Variants in NAALADL2 observed in about 807,000 individuals in gnomAD.
NAALADL2 encodes N-acetylated alpha-linked acidic dipeptidase like 2.
Under a neutral mutation model 87.2 loss-of-function variants are expected in NAALADL2, and 76 were observed. That is an observed-to-expected ratio of 0.87 (90% CI 0.72 to 1.05). The LOEUF is 1.05. NAALADL2 is among the 50% of genes least tolerant of loss of function. The probability of loss-of-function intolerance (pLI) is 0.00; values close to 1 mark genes in which losing one functional copy is unlikely to be tolerated. For synonymous variants in NAALADL2, 354 were observed against 331.0 expected (o/e 1.07, Z -0.75); for missense variants, 1,089 against 945.8 (o/e 1.15, Z -1.99).
chr3:175,718,198 T>TC (rs1401369383), intron 11 of NAALADL2: 15 of 485,024 alleles, frequency 3.1e-5, no homozygotes, highest in Middle Eastern at 6.3e-4. Flanking sequence ...GCCTGTGGTT[T>TC]TTTTTTTTTT....
At chr3:175,788,022 G>A (rs915931090) in intron 13 of NAALADL2, among the ~76,000 whole-genome samples, 4 of 150,578 alleles carry the variant, frequency 2.7e-5, no homozygotes, top group African/African-American at 9.8e-5. Context: ...TTCAAACAGA[G>A]AAACTTCCAG....
Position 175,055,738 on chromosome 3 carries a change from G to A in NAALADL2, c.44-41052G>A, listed in dbSNP as rs1012116468. ...TTTCCCCTATCCGGTGGCCTGACTCGCTGAGTTTTTCTACATTCTTTTTTA... is the reference window on the plus strand; with the variant it reads ...TTTCCCCTATCCGGTGGCCTGACTCACTGAGTTTTTCTACATTCTTTTTTA... On this transcript the variant is annotated intron_variant, in intron 1 of 13. Transcript: ENST00000454872. 3.9e-5 allele frequency among the ~76,000 whole-genome samples: 6 copies of A among 152,074 alleles called. No individual in the cohort carries two copies. The South Asian group carries it at 6.2e-4, about 16-fold the overall frequency.
At chr3:175,055,261 T>A (rs1480353035) in intron 1 of NAALADL2, among the ~76,000 whole-genome samples, 1 of 152,172 alleles carries the variant, frequency 6.6e-6, no homozygotes, top group African/African-American at 2.4e-5. Context: ...TGCTATACGC[T>A]CTCCTGGCCC....
chr3:175,581,549 A>G (rs569606592), intron 10 of NAALADL2, among the ~76,000 whole-genome samples: 28 of 152,338 alleles, frequency 1.8e-4, no homozygotes, highest in Middle Eastern at 3.4e-3. Flanking sequence ...ATGAAGAAAA[A>G]TCTGCTCCAA....
chr3:175,543,521 G>T (rs1712752388), intron 9 of NAALADL2, among the ~76,000 whole-genome samples: 1 of 152,092 alleles, frequency 6.6e-6, no homozygotes, highest in South Asian at 2.1e-4. Flanking sequence ...CCACATGGCT[G>T]GGGAGGCCTG....
chr3:175,038,650 G>A (rs13318305), intron 1 of NAALADL2, among the ~76,000 whole-genome samples: 31,127 of 152,058 alleles, frequency 0.2, 3,365 homozygotes, highest in East Asian at 0.38. Flanking sequence ...TCAACAATGC[G>A]TAACTTGAAG....
chr3:174,792,110 A>G (rs941252787), intron 3 of NAALADL2, among the ~76,000 whole-genome samples: 3 of 152,102 alleles, frequency 2.0e-5, no homozygotes, highest in African/African-American at 4.8e-5. Flanking sequence ...AGTCCCAGCT[A>G]CTCAGGAAGC....
chr3:175,055,165 T>C (rs1357249712), intron 1 of NAALADL2, among the ~76,000 whole-genome samples: 1 of 152,146 alleles, frequency 6.6e-6, no homozygotes, highest in Non-Finnish European at 1.5e-5. Flanking sequence ...ATAAGCTGCT[T>C]TTCCTTGTTT....
intron 1 of NAALADL2, among the ~76,000 whole-genome samples, chr3:175,061,653 A>C (rs887692048): frequency 2.6e-5 from 4 of 151,666 alleles, no homozygotes; most frequent in Admixed American, 6.6e-5. Context: ...GGAAACATAG[A>C]TTATTTCTCT....
intron 11 of NAALADL2, among the ~76,000 whole-genome samples, chr3:175,722,753 T>C (rs1742407182): frequency 6.6e-6 from 1 of 152,152 alleles, no homozygotes; most frequent in African/African-American, 2.4e-5. Flanking sequence ...TTAAATCATC[T>C]ATTCACAGTT....
At chr3:174,735,196 A>G (rs1175109492) in intron 2 of NAALADL2, among the ~76,000 whole-genome samples, 1 of 152,230 alleles carries the variant, frequency 6.6e-6, no homozygotes, top group African/African-American at 2.4e-5. Flanking sequence ...GAAATGTAGA[A>G]TAACCAATCT....
chr3:174,845,171 G>A (rs1047225338), intron 3 of NAALADL2, among the ~76,000 whole-genome samples: 1 of 152,190 alleles, frequency 6.6e-6, no homozygotes, highest in African/African-American at 2.4e-5. Flanking sequence ...ACTGGGCCAA[G>A]GGCTGACTGA....
upstream of NAALADL2, among the ~76,000 whole-genome samples, chr3:174,854,453 A>C (rs1038867449): frequency 2.6e-5 from 4 of 152,174 alleles, no homozygotes; most frequent in Non-Finnish European, 4.4e-5. Context: ...AGAAGGAATA[A>C]GATCTAGTGT....
intron 2 of NAALADL2, among the ~76,000 whole-genome samples, chr3:175,146,208 C>G (rs1730733219): frequency 6.6e-6 from 1 of 152,012 alleles, no homozygotes; most frequent in African/African-American, 2.4e-5. Context: ...TAACCTTCTT[C>G]ATACAAAATA....
intron 1 of NAALADL2, among the ~76,000 whole-genome samples, chr3:174,956,739 T>C (rs1338618951): frequency 6.6e-6 from 1 of 151,950 alleles, no homozygotes; most frequent in Non-Finnish European, 1.5e-5. Context: ...TGAAGTTAGA[T>C]CAAGATGATG....
chr3:174,567,832 GTTA>G (rs1714466846), intron 2 of NAALADL2, among the ~76,000 whole-genome samples: 1 of 151,508 alleles, frequency 6.6e-6, no homozygotes, highest in African/African-American at 2.4e-5. Flanking sequence ...AATAGTGATA[GTTA>G]TTATTATCAT....
At chr3:175,697,400 GACACACAC>G (rs57471272) in intron 11 of NAALADL2, among the ~76,000 whole-genome samples, 35 of 145,338 alleles carry the variant, frequency 2.4e-4, no homozygotes, top group South Asian at 8.8e-4. Context: ...GCTGCACACA[GACACACAC>G]ACACACACAC....
chr3:175,575,119 A>T (rs1315398193), intron 9 of NAALADL2, among the ~76,000 whole-genome samples: 2 of 152,184 alleles, frequency 1.3e-5, no homozygotes, highest in African/African-American at 4.8e-5. Context: ...AGTTTAAGAA[A>T]TAATAGCCTA....
chr3:175,770,680 T>C (rs950927127), intron 13 of NAALADL2, among the ~76,000 whole-genome samples: 1 of 152,202 alleles, frequency 6.6e-6, no homozygotes, highest in Non-Finnish European at 1.5e-5. Context: ...TTGCTAATCA[T>C]AGTAGGTCTC....
Sources: allele counts gnomAD v4.1 joint callset (sites outside exome capture counted in the v4.1 genomes callset), GRCh38; gene constraint gnomAD v4.1.1; transcripts MANE v1.5; gene names NCBI Gene and HGNC (gene_info 2026-07-23, HGNC 2026-07-21).